The following VTI1A variants were observed in gnomAD, a reference collection of about 807,000 sequenced individuals.
VTI1A encodes the protein vesicle transport through interaction with t-SNAREs 1A.
A neutral mutation model predicts 34.9 loss-of-function variants in VTI1A; 22 were observed. The observed-to-expected ratio is 0.63, with a 90% CI of 0.45 to 0.90. The LOEUF (loss-of-function observed/expected upper bound fraction) is 0.90. Ranked by LOEUF, VTI1A falls within the 40% of genes least tolerant of loss-of-function variation. VTI1A has a pLI of 0.00. For missense variants in VTI1A, 268 were observed against 275.6 expected, an observed-to-expected ratio of 0.97 and a Z score of 0.20; for synonymous variants, 87 against 97.3, an observed-to-expected ratio of 0.89 and a Z score of 0.62.
rs576584019 is a variant in VTI1A at position 112,487,461 on chromosome 10, T to C, written c.264+22804T>C. 2.6e-5 allele frequency among the ~76,000 whole-genome samples: 4 copies of C among 152,214 alleles called. No individual in the cohort carries two copies. In the South Asian group the frequency reaches 6.2e-4, roughly 24 times the overall value. ...TTTGAGAGGCATGCAAGGTTTATCATTGGCAATTGGATCAAATCCAAATTT... is the reference window on the plus strand; with the variant it reads ...TTTGAGAGGCATGCAAGGTTTATCACTGGCAATTGGATCAAATCCAAATTT... On this transcript the variant is annotated intron_variant, in intron 3 of 7. Transcript: ENST00000393077.
intron 7 of VTI1A, chr10:112,752,381 C>G: frequency 1.0e-6 from 1 of 985,394 alleles, no homozygotes; most frequent in Non-Finnish European, 1.2e-6. Context: ...ACATTATCGA[C>G]TAGTCTGAAG....
At chr10:112,456,268 A>G (rs544270611) in intron 1 of VTI1A, among the ~76,000 whole-genome samples, 1 of 152,136 alleles carries the variant, frequency 6.6e-6, no homozygotes, top group African/African-American at 2.4e-5. Flanking sequence ...AATATAATAC[A>G]AAAATTAGCT....
At chr10:112,847,013 G>A in the VTI1A span, among the ~76,000 whole-genome samples, 3 of 152,254 alleles carry the variant, frequency 2.0e-5, no homozygotes, top group East Asian at 3.9e-4. Flanking sequence ...AAGATAATAA[G>A]CCTGTATTGT....
intron 1 of VTI1A, 41 bp downstream of exon 1, chr10:112,447,508 C>CT (rs1207047083): frequency 6.2e-7 from 1 of 1,603,226 alleles, no homozygotes; most frequent in African/African-American, 1.3e-5. Context: ...CTGGGGAGAG[C>CT]TGGGAGGGTG....
intron 7 of VTI1A, among the ~76,000 whole-genome samples, chr10:112,732,470 C>G (rs890255576): frequency 6.6e-6 from 1 of 152,150 alleles, no homozygotes; most frequent in Non-Finnish European, 1.5e-5. Context: ...TATGAATGGA[C>G]AAGGGTTTAA....
At chr10:112,593,246 A>G (rs1200171443) in intron 5 of VTI1A, among the ~76,000 whole-genome samples, 2 of 152,240 alleles carry the variant, frequency 1.3e-5, no homozygotes, top group African/African-American at 4.8e-5. Context: ...CGATTGAGTC[A>G]GAATCTCCAA....
At chr10:112,811,712 A>AAAAAAGAT (rs67154330) in intron 7 of VTI1A, among the ~76,000 whole-genome samples, 1,654 of 84,020 alleles carry the variant, frequency 0.02, 531 homozygotes, top group African/African-American at 0.047. Flanking sequence ...AAAAAAAAAA[A>AAAAAAGAT]GAGTGCAGTC....
intron 5 of VTI1A, among the ~76,000 whole-genome samples, chr10:112,643,996 A>AG (rs1846679391): frequency 6.6e-6 from 1 of 152,172 alleles, no homozygotes; most frequent in East Asian, 1.9e-4. Context: ...AAAAAAAAAA[A>AG]AATGTCCTGG....
chr10:112,497,157 A>G (rs958347833), intron 3 of VTI1A, among the ~76,000 whole-genome samples: 2 of 152,038 alleles, frequency 1.3e-5, no homozygotes, highest in Non-Finnish European at 2.9e-5. Context: ...ATGTTTAATA[A>G]AATTACAAAA....
chr10:112,455,910 T>C (rs985186578), intron 1 of VTI1A, among the ~76,000 whole-genome samples: 5 of 152,142 alleles, frequency 3.3e-5, no homozygotes, highest in African/African-American at 9.7e-5. Context: ...TCATTTCAAA[T>C]GGGAAGATTT....
intron 4 of VTI1A, chr10:112,533,524 T>C (rs1850516666): frequency 6.9e-6 from 7 of 1,012,620 alleles, no homozygotes; most frequent in Non-Finnish European, 8.3e-6. Flanking sequence ...TGCATTCATG[T>C]TGCAGTTGAT....
intron 5 of VTI1A, among the ~76,000 whole-genome samples, chr10:112,614,165 A>G (rs1845427329): frequency 6.6e-6 from 1 of 152,222 alleles, no homozygotes. Context: ...AGGGAATTAC[A>G]GGTAACCCTC....
intron 7 of VTI1A, chr10:112,752,708 G>C (rs1851143187): frequency 5.9e-6 from 2 of 337,530 alleles, no homozygotes; most frequent in African/African-American, 4.5e-5. Context: ...ATTGTTTTCT[G>C]TATTGAACTA....
At chr10:112,558,989 G>A (rs1042441421) in intron 5 of VTI1A, among the ~76,000 whole-genome samples, 1 of 152,166 alleles carries the variant, frequency 6.6e-6, no homozygotes, top group African/African-American at 2.4e-5. Context: ...GAAAAAAAAA[G>A]TGTTTCTTTG....
chr10:112,595,954 G>C (rs370284494), intron 5 of VTI1A, among the ~76,000 whole-genome samples: 4 of 152,252 alleles, frequency 2.6e-5, no homozygotes, highest in South Asian at 2.1e-4. Context: ...AAATGTGGCA[G>C]ATATACACCA....
the VTI1A span, chr10:112,827,753 G>C: frequency 6.6e-6 from 1 of 152,022 alleles, no homozygotes; most frequent in African/African-American, 2.4e-5. Flanking sequence ...TTTTCCATTT[G>C]AATTCTTTCA....
chr10:112,649,230 G>A (rs1564865787), intron 5 of VTI1A, among the ~76,000 whole-genome samples: 1 of 152,160 alleles, frequency 6.6e-6, no homozygotes, highest in Non-Finnish European at 1.5e-5. Context: ...CTGCTAATTC[G>A]TATTCAAAGA....
chr10:112,481,967 G>A (rs886943938), intron 3 of VTI1A, among the ~76,000 whole-genome samples: 11 of 152,132 alleles, frequency 7.2e-5, no homozygotes, highest in African/African-American at 2.7e-4. Context: ...TCCTTTTGTG[G>A]CTAGATTGGA....
the VTI1A span, among the ~76,000 whole-genome samples, chr10:112,837,024 T>A: frequency 6.6e-6 from 1 of 152,136 alleles, no homozygotes; most frequent in African/African-American, 2.4e-5. Flanking sequence ...TCAAAGGAGA[T>A]CAAAATCCTG....
Sources: gnomAD v4.1 joint callset for allele counts (sites outside exome capture counted in the v4.1 genomes callset) on GRCh38, gnomAD v4.1.1 for gene constraint, MANE v1.5 for transcripts, NCBI Gene and HGNC (gene_info 2026-07-23, HGNC 2026-07-21) for gene names.